The following PARN variants were observed in gnomAD, a reference collection of about 807,000 sequenced individuals.
PARN encodes the protein poly(A)-specific ribonuclease PARN.
A neutral mutation model predicts 102.8 loss-of-function variants in PARN; 71 were observed. That is an observed-to-expected ratio of 0.69 (90% CI 0.57 to 0.84). The LOEUF (loss-of-function observed/expected upper bound fraction) is 0.84. PARN is among the 40% of genes least tolerant of loss of function. PARN has a pLI of 0.00. For missense variants in PARN, 782 were observed against 760.9 expected (o/e 1.03, Z -0.33); for synonymous variants, 261 against 252.9 (o/e 1.03, Z -0.30).
intron 21 of PARN, among the ~76,000 whole-genome samples, chr16:14,497,660 C>T (rs995135495): frequency 6.6e-6 from 1 of 152,188 alleles, no homozygotes; most frequent in Non-Finnish European, 1.5e-5. Flanking sequence ...CAGAGCAGCA[C>T]ATATTTTAAG....
intron 21 of PARN, among the ~76,000 whole-genome samples, chr16:14,538,845 C>T (rs993878120): frequency 4.6e-5 from 7 of 152,162 alleles, no homozygotes; most frequent in Non-Finnish European, 7.3e-5. Flanking sequence ...CTAAGCTCCA[C>T]GTCCTGTCAG....
chr16:14,617,632 G>C lies in PARN; in HGVS notation c.346C>G (p.Leu116Val). The change falls in exon 6 of 24, where the codon CTA becomes GTA. Residue 116 changes from leucine (L) to valine (V), a missense_variant. Transcript: ENST00000437198. The stretch of plus-strand genomic sequence containing the variant: ...TTAAAATCAAATCCCTGGCTTGCTA[G>C]AAAGTCAATGCTGGAGCTCTGAAAC... The part of the protein sequence containing the change: ...FVCQSSSIDF[L>V]ASQGFDFNKV... 1 of 1,596,556 alleles carries C rather than the reference G, an allele frequency of 6.3e-7. No individual in the cohort carries two copies. Among genetic ancestry groups the C allele is most frequent in the Non-Finnish European group, 8.6e-7 (1 of 1,164,070 alleles).
intron 13 of PARN, among the ~76,000 whole-genome samples, chr16:14,592,323 T>G (rs1478557453): frequency 6.6e-6 from 1 of 152,124 alleles, no homozygotes. Context: ...CAGCATGAAA[T>G]GTATACCTGG....
intron 22 of PARN, among the ~76,000 whole-genome samples, chr16:14,465,650 T>G (rs779512954): frequency 2.0e-5 from 3 of 152,142 alleles, no homozygotes; most frequent in African/African-American, 4.8e-5. Flanking sequence ...TTATGTAAAT[T>G]TATAAGCTGA....
intron 18 of PARN, among the ~76,000 whole-genome samples, chr16:14,574,367 G>A (rs978218630): frequency 6.6e-6 from 1 of 152,154 alleles, no homozygotes; most frequent in South Asian, 2.1e-4. Flanking sequence ...TCAGTTTTAT[G>A]AGGGAAGTAG....
chr16:14,510,298 T>C (rs1048830879), intron 21 of PARN, among the ~76,000 whole-genome samples: 1 of 152,244 alleles, frequency 6.6e-6, no homozygotes, highest in Non-Finnish European at 1.5e-5. Flanking sequence ...TGAGTAAAGC[T>C]ACATATTCTC....
intron 23 of PARN, among the ~76,000 whole-genome samples, chr16:14,437,923 G>A (rs1251810217): frequency 2.0e-5 from 3 of 152,158 alleles, no homozygotes. Flanking sequence ...GAGAATTTCA[G>A]CTAACATGAG....
intron 22 of PARN, among the ~76,000 whole-genome samples, chr16:14,461,552 T>G (rs546760055): frequency 1.1e-3 from 161 of 152,338 alleles, no homozygotes; most frequent in African/African-American, 3.6e-3. Flanking sequence ...CTGGCGTTAC[T>G]TCTTCTGGGA....
intron 21 of PARN, among the ~76,000 whole-genome samples, chr16:14,497,976 G>A (rs1228452964): frequency 1.3e-5 from 2 of 151,924 alleles, no homozygotes; most frequent in Non-Finnish European, 2.9e-5. Context: ...ATACAGAAAT[G>A]AGCTGGGTGT....
At chr16:14,546,121 C>A (rs1966925221) in intron 21 of PARN, among the ~76,000 whole-genome samples, 1 of 152,100 alleles carries the variant, frequency 6.6e-6, no homozygotes, top group Non-Finnish European at 1.5e-5. Flanking sequence ...GAATAAAAAC[C>A]AGTTATCACT....
intron 3 of PARN, 59 bp from the exon 4 acceptor site, chr16:14,627,395 G>C (rs1442000376): frequency 6.5e-6 from 8 of 1,239,298 alleles, no homozygotes; most frequent in Non-Finnish European, 8.1e-6. Flanking sequence ...TGTGAGCATA[G>C]CATTCTCAAA....
intron 22 of PARN, among the ~76,000 whole-genome samples, chr16:14,459,934 A>G (rs1427280290): frequency 6.6e-6 from 1 of 152,218 alleles, no homozygotes; most frequent in African/African-American, 2.4e-5. Flanking sequence ...GCATATCTAT[A>G]TGCAAAAAAT....
chr16:14,484,593 G>C (rs985720271), intron 21 of PARN, among the ~76,000 whole-genome samples: 1 of 152,146 alleles, frequency 6.6e-6, no homozygotes, highest in African/African-American at 2.4e-5. Flanking sequence ...TGCTGGTGAC[G>C]AGCATGCAGG....
intron 21 of PARN, among the ~76,000 whole-genome samples, chr16:14,532,098 C>G (rs1234621678): frequency 2.6e-5 from 4 of 151,116 alleles, no homozygotes; most frequent in South Asian, 2.1e-4. Context: ...ATAAAACTTG[C>G]TTTAACCAAG....
intron 21 of PARN, among the ~76,000 whole-genome samples, chr16:14,549,244 A>G (rs1327944658): frequency 2.0e-5 from 3 of 152,258 alleles, no homozygotes; most frequent in East Asian, 1.9e-4. Flanking sequence ...AAAGCTGCAT[A>G]TATCAAGAGA....
In PARN at chr16:14,610,749, C is replaced by T. The variant is rs755153974; in HGVS notation, c.449G>A (p.Arg150His). The part of the protein sequence containing the change: ...RQLREQYDEK[R>H]SQANGAGALS... ...AGCTCCTGCACCATTCGCCTGTGAA[C>T]GTTTTTCATCATACTGCTCTCTTAA... Residue 150 changes from arginine to histidine, a missense_variant, in exon 7 of 24, where the codon CGT (arginine) becomes CAT (histidine). By Grantham distance (29) the Arg-to-His change is conservative. Transcript: ENST00000437198. 7 of 1,609,366 alleles carry T rather than the reference C, an allele frequency of 4.3e-6. 1 individual carries two copies. Among genetic ancestry groups the T allele is most frequent in the Admixed American group, 1.7e-5 (1 of 59,984 alleles).
intron 16 of PARN, among the ~76,000 whole-genome samples, chr16:14,583,853 T>C (rs1969677545): frequency 6.6e-6 from 1 of 152,190 alleles, no homozygotes; most frequent in Admixed American, 6.5e-5. Flanking sequence ...CTCATCTCCC[T>C]ACTTCTGGTT....
rs547144540 is a variant in PARN, at chr16:14,436,347, C to A, written c.*370G>T. 2.4e-5 allele frequency: 6 copies of A among 254,524 alleles called. No individual in the cohort carries two copies. The South Asian group carries it at 3.0e-4, about 13-fold the overall frequency. The allele number at this position is 254,524 out of a possible 1,614,324, so 15.8% of individuals were successfully genotyped here. ...TACACCCCCAAATTCATGATCACAG[C>A]AGCTGGAATGTCAGCTCTTTTTGCA... On this transcript the variant is annotated 3_prime_UTR_variant, in exon 24 of 24. Coordinates refer to ENST00000437198, the MANE Select transcript of PARN (RefSeq NM_002582.4).
intron 16 of PARN, 145 bp from the exon 17 acceptor site, chr16:14,582,436 A>G (rs1162502913): frequency 1.6e-6 from 1 of 621,210 alleles, no homozygotes; most frequent in East Asian, 2.7e-5. Context: ...TCTCTATATA[A>G]GACCTTAAAA....
Sources: gnomAD v4.1 joint callset for allele counts (sites outside exome capture counted in the v4.1 genomes callset) on GRCh38, gnomAD v4.1.1 for gene constraint, MANE v1.5 for transcripts, NCBI Gene and HGNC (gene_info 2026-07-23, HGNC 2026-07-21) for gene names.